Variants in FCRLB observed in about 807,000 individuals in gnomAD.
FCRLB encodes Fc receptor-like B.
FCRLB carries 34 observed loss-of-function variants against 33.6 expected under a neutral mutation model. That is an observed-to-expected ratio of 1.01 (90% CI 0.77 to 1.35). The LOEUF is 1.35. FCRLB is among the 40% of genes most tolerant of loss of function. The pLI is 0.00. For synonymous variants in FCRLB, 280 were observed against 255.9 expected (o/e 1.09, Z -0.90); for missense variants, 560 against 580.2 (o/e 0.97, Z 0.36).
intron 5 of FCRLB, among the ~76,000 whole-genome samples, chr1:161,724,425 T>TAA (rs3039575): frequency 0.021 from 2,332 of 112,540 alleles, 77 homozygotes; most frequent in African/African-American, 0.07. Flanking sequence ...CACTCTCTAC[T>TAA]AAAAAAAAAA....
intron 4 of FCRLB, 32 bp from the exon 5 acceptor site, chr1:161,723,335 G>C: frequency 6.2e-7 from 1 of 1,606,300 alleles, no homozygotes; most frequent in Non-Finnish European, 8.5e-7. Context: ...CTCTTTGCAT[G>C]CTGCCCCCTC....
chr1:161,727,485 A>AC lies in FCRLB; in HGVS notation c.1107dup (p.Asp370ArgfsTer97), dbSNP rs745316946. ...TGGAACAATCGGCTGGAGCCCTGAA[A>AC]CCCGACGTGGACCTTCTGCTCCGAG... On this transcript the variant is annotated frameshift_variant, in exon 8 of 8. Coordinates refer to ENST00000367948, the Ensembl canonical transcript of FCRLB. LOFTEE classifies it low-confidence loss of function (END_TRUNC). 3.1e-6 allele frequency: 5 copies of AC among 1,613,562 alleles called. No homozygotes were observed. In the African/African-American group the frequency reaches 6.7e-5, roughly 22 times the overall value.
At chr1:161,725,944 T>C in exon 6 of FCRLB, 1 of 1,614,234 alleles carries the variant, frequency 6.2e-7, no homozygotes, top group South Asian at 1.1e-5. Context: ...GGCCAGGCCG[T>C]GCGCTACTTC....
exon 8 of FCRLB, chr1:161,728,069 CTG>C (rs1007475829): frequency 1.8e-5 from 3 of 167,790 alleles, no homozygotes; most frequent in African/African-American, 7.2e-5. Context: ...TGAATTTACT[CTG>C]TTGATATTAA....
chr1:161,726,619 A>G lies in FCRLB; in HGVS notation c.575-84A>G. ...CTCCCCCCTTGGTCTGTGGGTCTGC[A>G]AGGAGCCCTCGCGGGAAGCAGGAAG... On this transcript the variant is annotated intron_variant, in intron 6 of 7. Transcript: ENST00000367948. The surrounding 1 kb of genome is among the most constrained non-coding windows in gnomAD (Gnocchi z 5.2). 1 of 1,527,836 alleles carries G rather than the reference A, an allele frequency of 6.5e-7. No homozygotes were observed. Among genetic ancestry groups the G allele is most frequent in the Non-Finnish European group, 8.8e-7 (1 of 1,139,060 alleles). 94.6% of individuals were successfully genotyped at this position (1,527,836 alleles called of 1,614,324 possible).
In FCRLB at chr1:161,726,108, C is replaced by T. The variant is rs1234338784; in HGVS notation, c.574+21C>T. On this transcript the variant is annotated intron_variant, in intron 6 of 7. Transcript: ENST00000367948. The surrounding 1 kb of genome is among the most constrained non-coding windows in gnomAD (Gnocchi z 5.2). ...GCAAGGTGGGAGAGACCAGGGGCCC[C>T]GGGAGGGAGGCAAATGAGCATTGAG... is the stretch of plus-strand genomic sequence containing the variant. The T allele has an allele frequency of 6.2e-7, 1 of 1,604,814 alleles. No individual in the cohort carries two copies. The highest frequency in any genetic ancestry group is 1.7e-5 in the Admixed American group (1 of 59,552).
chr1:161,727,319 C>T, exon 8 of FCRLB: 1 of 1,613,776 alleles, frequency 6.2e-7, no homozygotes, highest in South Asian at 1.1e-5. Flanking sequence ...GGTAATAGGC[C>T]GCTTTCCTTC....
rs578183317 is a variant in FCRLB, at chr1:161,726,958, G to A, written c.830G>A (p.Arg277Gln). ...GCGGCTACCGCCACCCGCAGTGTCC[G>A]GAAACGCAGTCCGTGGCTGCAGCTC... is the stretch of plus-strand genomic sequence containing the variant. The change falls in exon 7 of 8, where the codon CGG becomes CAG. Residue 277 changes from arginine to glutamine, a missense_variant. Physicochemically the swap from Arg to Gln is conservative, Grantham distance 43. Transcript: ENST00000367948. The surrounding 1 kb of genome is among the most constrained non-coding windows in gnomAD (Gnocchi z 5.2). The A allele has an allele frequency of 2.1e-4, 330 of 1,542,354 alleles. 5 individuals are homozygous for A. The South Asian group carries it at 3.4e-3, about 16-fold the overall frequency.
At chr1:161,724,480 C>T (rs1683477097) in intron 5 of FCRLB, among the ~76,000 whole-genome samples, 1 of 151,440 alleles carries the variant, frequency 6.6e-6, no homozygotes, top group South Asian at 2.1e-4. Flanking sequence ...GCCTGTAGTC[C>T]CAGCTACTCA....
Position 161,723,628 on chromosome 1 carries a change from G to A in FCRLB, c.307+7G>A. On this transcript the variant is annotated splice_region_variant and intron_variant, in intron 5 of 7. Coordinates refer to ENST00000367948, the Ensembl canonical transcript of FCRLB. The stretch of plus-strand genomic sequence containing the variant: ...CACCTCTCTGTATCCAATGGTGAGT[G>A]GACTGAGCACGAGGGGAGGGGGAGC... 6.2e-7 allele frequency: 1 copy of A among 1,612,426 alleles called. No individual in the cohort carries two copies. Among genetic ancestry groups the A allele is most frequent in the Non-Finnish European group, 8.5e-7 (1 of 1,178,768 alleles).
chr1:161,727,007 C>T lies in FCRLB; in HGVS notation c.865+14C>T, dbSNP rs1312436898. ...TCCCGGGGCCGGGTGAGTGCCTGCA[C>T]ACCCTCCCGGACGCCGACCCTGGCG... On this transcript the variant is annotated intron_variant, in intron 7 of 7. Coordinates refer to ENST00000367948, the Ensembl canonical transcript of FCRLB. 2 of 1,496,484 alleles carry T rather than the reference C, an allele frequency of 1.3e-6. No individual in the cohort carries two copies. The highest frequency in any genetic ancestry group is 2.7e-5 in the South Asian group (2 of 73,542). The allele number at this position is 1,496,484 out of a possible 1,614,324, so 92.7% of individuals were successfully genotyped here. A position where few individuals can be genotyped will look rare whatever the true frequency, so the allele number is the denominator to read the frequency against.
exon 8 of FCRLB, chr1:161,727,420 C>T (rs1378316938): frequency 6.2e-7 from 1 of 1,613,290 alleles, no homozygotes; most frequent in South Asian, 1.1e-5. Context: ...GAGCGGCGCC[C>T]CGACTGCGGG....
chr1:161,723,396 C>T (rs1373727964), exon 5 of FCRLB: 1 of 1,614,178 alleles, frequency 6.2e-7, no homozygotes, highest in Non-Finnish European at 8.5e-7. Context: ...ATTGTCTCTA[C>T]ATCCACCTTG....
At chr1:161,725,067 G>A (rs12079477) in intron 5 of FCRLB, among the ~76,000 whole-genome samples, 23,463 of 152,150 alleles carry the variant, frequency 0.15, 2,351 homozygotes, top group East Asian at 0.51. Context: ...AGGAGTGGAA[G>A]ATGAGGAAAG....
At chr1:161,722,369 G>A (rs991129397) in intron 2 of FCRLB, among the ~76,000 whole-genome samples, 2 of 152,192 alleles carry the variant, frequency 1.3e-5, no homozygotes, top group African/African-American at 2.4e-5. Context: ...GGTTCTATGG[G>A]GCTCTCTTGT....
intron 4 of FCRLB, 49 bp downstream of exon 4, chr1:161,723,058 ACC>A (rs1362336757): frequency 6.2e-7 from 1 of 1,608,482 alleles, no homozygotes; most frequent in African/African-American, 1.3e-5. Context: ...TTCCACTCCA[ACC>A]CCCTAAGTGA....
chr1:161,727,198 C>A, intron 7 of FCRLB, 49 bp from the exon 8 acceptor site: 1 of 1,532,010 alleles, frequency 6.5e-7, no homozygotes, highest in Non-Finnish European at 8.8e-7. Flanking sequence ...AGCCCAGCGC[C>A]GAGAAGAACC....
Position 161,723,271 on chromosome 1 carries a change from G to T in FCRLB, c.53-96G>T, listed in dbSNP as rs1355986451. The T allele has an allele frequency of 4.7e-6, 7 of 1,485,204 alleles. 1 individual carries two copies. Among genetic ancestry groups the T allele is most frequent in the Non-Finnish European group, 6.4e-6 (7 of 1,087,932 alleles). The allele number at this position is 1,485,204 out of a possible 1,614,324, so 92.0% of individuals were successfully genotyped here. On this transcript the variant is annotated intron_variant, in intron 4 of 7. Coordinates refer to ENST00000367948, the Ensembl canonical transcript of FCRLB. ...CATGGGCTGGGGCCTGCGAGCTGGG[G>T]TTTCCTAAGATTTCCCAAACTCAGG...
chr1:161,724,140 T>C (rs1336853288), intron 5 of FCRLB, among the ~76,000 whole-genome samples: 1 of 152,144 alleles, frequency 6.6e-6, no homozygotes, highest in Non-Finnish European at 1.5e-5. Context: ...AATTATGATT[T>C]GCTAAAGAAA....
Sources: gnomAD v4.1 joint callset for allele counts (sites outside exome capture counted in the v4.1 genomes callset) on GRCh38, gnomAD v4.1.1 for gene constraint, Gnocchi (gnomAD v3.1) non-coding constraint, MANE v1.5 for transcripts, NCBI Gene and HGNC (gene_info 2026-07-23, HGNC 2026-07-21) for gene names.